Variants in ENPP3 observed in about 807,000 individuals in gnomAD.
ENPP3 encodes the protein ectonucleotide pyrophosphatase/phosphodiesterase 3.
A neutral mutation model predicts 117.8 loss-of-function variants in ENPP3; 104 were observed. The ratio of observed to expected loss-of-function variants is 0.88; its 90% CI spans 0.75 to 1.04. ENPP3 has a LOEUF of 1.04. Ranked by LOEUF, ENPP3 falls within the 50% of genes least tolerant of loss-of-function variation. The pLI, the probability that ENPP3 is intolerant of heterozygous loss-of-function variation, is 0.00. For synonymous variants in ENPP3, 380 were observed against 349.9 expected (o/e 1.09, Z -0.96); for missense variants, 1,026 against 1,051.9 (o/e 0.98, Z 0.34).
intron 6 of ENPP3, among the ~76,000 whole-genome samples, chr6:131,660,554 T>C (rs973249053): frequency 6.6e-6 from 1 of 152,198 alleles, no homozygotes; most frequent in Non-Finnish European, 1.5e-5. Context: ...TCCTGAAAAG[T>C]TAGATGGGAA....
At chr6:131,721,284 C>T (rs1780027640) in intron 17 of ENPP3, among the ~76,000 whole-genome samples, 1 of 152,230 alleles carries the variant, frequency 6.6e-6, no homozygotes, top group Admixed American at 6.5e-5. Context: ...GCTTACAACT[C>T]TCTCTCTTAA....
At chr6:131,693,662 A>T in intron 15 of ENPP3, 38 bp downstream of exon 15, 1 of 1,592,694 alleles carries the variant, frequency 6.3e-7, no homozygotes, top group Non-Finnish European at 8.6e-7. Flanking sequence ...AATGCCTTTA[A>T]TAACCATTTG....
intron 6 of ENPP3, among the ~76,000 whole-genome samples, chr6:131,667,519 C>T (rs1353635856): frequency 5.9e-5 from 9 of 152,318 alleles, no homozygotes; most frequent in Middle Eastern, 6.8e-3. Context: ...TCTCTTCTAA[C>T]TCAAGTGAGT....
intron 20 of ENPP3, among the ~76,000 whole-genome samples, chr6:131,726,579 A>G (rs1780159657): frequency 6.6e-6 from 1 of 152,172 alleles, no homozygotes; most frequent in Non-Finnish European, 1.5e-5. Context: ...AGGGCTTTGT[A>G]TTTATTTGAT....
intron 20 of ENPP3, among the ~76,000 whole-genome samples, chr6:131,727,555 C>CAAAAAAA (rs773470669): frequency 1.1e-4 from 6 of 52,236 alleles, no homozygotes; most frequent in African/African-American, 3.1e-4. Context: ...AAGTCCATCT[C>CAAAAAAA]AAAAAAAAAA....
chr6:131,736,595 G>T (rs182586126), intron 21 of ENPP3, among the ~76,000 whole-genome samples: 2 of 152,058 alleles, frequency 1.3e-5, no homozygotes, highest in East Asian at 1.9e-4. Context: ...AGATGAGATT[G>T]GGGGGGACAC....
chr6:131,640,780 G>T (rs1778024495), intron 1 of ENPP3, among the ~76,000 whole-genome samples: 1 of 152,170 alleles, frequency 6.6e-6, no homozygotes, highest in Non-Finnish European at 1.5e-5. Context: ...AGGGCAGCTA[G>T]AAGAATTCTT....
chr6:131,727,490 G>T (rs1438715280), intron 20 of ENPP3, among the ~76,000 whole-genome samples: 3 of 147,442 alleles, frequency 2.0e-5, no homozygotes, highest in African/African-American at 7.7e-5. Flanking sequence ...GGGAGGTGGA[G>T]GTTGCAGTGA....
At chr6:131,683,405 AT>A (rs1342286281) in intron 12 of ENPP3, among the ~76,000 whole-genome samples, 2 of 152,212 alleles carry the variant, frequency 1.3e-5, no homozygotes, top group Admixed American at 6.5e-5. Flanking sequence ...AGTAGAGTTA[AT>A]GATATTTAAC....
chr6:131,739,593 C>CTTTTTTTTTTTTTTTTTTTTTTTTT (rs71270397), intron 23 of ENPP3, among the ~76,000 whole-genome samples: 3 of 87,462 alleles, frequency 3.4e-5, no homozygotes, highest in Admixed American at 1.4e-4. Flanking sequence ...TCATGCTCTG[C>CTTTTTTTTTTTTTTTTTTTTTTTTT]TTTTTTTTTT....
In ENPP3 at chr6:131,679,792, C is replaced by T. The variant is rs571942127; in HGVS notation, c.1011+1852C>T. ...AACAAATGGTCTGACAAACAAATGG[C>T]TAGATGGCTCAGCAAGTAGACAGCG... On this transcript the variant is annotated intron_variant, in intron 11 of 24. Transcript: ENST00000357639. Among the ~76,000 whole-genome samples, 4 of 152,224 alleles carry T rather than the reference C, an allele frequency of 2.6e-5. No individual in the cohort carries two copies. The East Asian group carries it at 7.7e-4, about 29-fold the overall frequency.
At chr6:131,727,238 T>C (rs80032516) in intron 20 of ENPP3, among the ~76,000 whole-genome samples, 2,780 of 152,120 alleles carry the variant, frequency 0.018, 32 homozygotes, top group Non-Finnish European at 0.028. Context: ...TTCAGGAATA[T>C]GCAATAAGGA....
chr6:131,720,944 GA>G (rs1318011916), intron 17 of ENPP3, among the ~76,000 whole-genome samples: 1 of 152,062 alleles, frequency 6.6e-6, no homozygotes, highest in Non-Finnish European at 1.5e-5. Context: ...GTTACTAGAT[GA>G]TAATTTAATT....
intron 6 of ENPP3, among the ~76,000 whole-genome samples, chr6:131,665,980 T>C (rs1778608181): frequency 1.3e-5 from 2 of 152,196 alleles, no homozygotes; most frequent in Non-Finnish European, 2.9e-5. Flanking sequence ...TTCAAAAGTG[T>C]GTTACATAAT....
At chr6:131,685,334 G>A (rs1689452341) in intron 12 of ENPP3, 30 bp from the exon 13 acceptor site, 2 of 1,578,882 alleles carry the variant, frequency 1.3e-6, no homozygotes, top group African/African-American at 2.7e-5. Flanking sequence ...TATACATTCA[G>A]TGGGTTATTA....
Position 131,677,892 on chromosome 6 carries a change from T to G in ENPP3, c.963T>G (p.Phe321Leu). 6.2e-7 allele frequency: 1 copy of G among 1,611,226 alleles called. No individual in the cohort carries two copies. Among genetic ancestry groups the G allele is most frequent in the African/African-American group, 1.3e-5 (1 of 74,964 alleles). The stretch of plus-strand genomic sequence containing the variant: ...GACCCAGGTTTTATACCATGTATTT[T>G]GAAGAACCTGATTCCTCTGGACATG... ...AERPRFYTMY[F>L]EEPDSSGHAG... Residue 321 changes from phenylalanine to leucine, a missense_variant, in exon 11 of 25, where the codon TTT (phenylalanine) becomes TTG (leucine). By Grantham distance (22) the Phe-to-Leu change is conservative. Coordinates refer to ENST00000357639, the MANE Select transcript of ENPP3 (RefSeq NM_005021.5).
intron 17 of ENPP3, among the ~76,000 whole-genome samples, chr6:131,720,752 T>A (rs1011579746): frequency 1.3e-5 from 2 of 152,044 alleles, no homozygotes; most frequent in African/African-American, 4.8e-5. Context: ...CGGCTACTTT[T>A]TTTTGTATTT....
Position 131,679,077 on chromosome 6 carries a change from CTTTCTTTCTTTT to C in ENPP3, c.1011+1138_1011+1149del, listed in dbSNP as rs1274551811. Among the ~76,000 whole-genome samples, 230 of 123,390 alleles carry C rather than the reference CTTTCTTTCTTTT, an allele frequency of 1.9e-3. 14 individuals carry two copies. In the Middle Eastern group the frequency reaches 0.024, roughly 13 times the overall value. 80.9% of individuals were successfully genotyped at this position (123,390 alleles called of 152,430 possible). ...TCTTTCTTTCTTTCTTTCTTTCTTT[CTTTCTTTCTTTT>C]CTTCTTTCTTTCTTTCCTTTTTTGA... On this transcript the variant is annotated intron_variant, in intron 11 of 24. Transcript: ENST00000357639.
intron 11 of ENPP3, among the ~76,000 whole-genome samples, chr6:131,680,937 C>G (rs1436488616): frequency 6.6e-6 from 1 of 152,016 alleles, no homozygotes; most frequent in African/African-American, 2.4e-5. Context: ...AACTCATGCT[C>G]TCCTTGAGAG....
Sources: allele counts gnomAD v4.1 joint callset (sites outside exome capture counted in the v4.1 genomes callset), GRCh38; gene constraint gnomAD v4.1.1; transcripts MANE v1.5; gene names NCBI Gene and HGNC (gene_info 2026-07-23, HGNC 2026-07-21).